PRDM11: variants seen among roughly 807,000 people sequenced by gnomAD.
PRDM11 encodes PR domain-containing protein 11.
In PRDM11, 20 loss-of-function variants were observed where a neutral mutation model predicts 97.8. The ratio of observed to expected loss-of-function variants is 0.20; its 90% CI spans 0.14 to 0.30. The LOEUF (loss-of-function observed/expected upper bound fraction) is 0.30. PRDM11 is among the 10% of genes least tolerant of loss of function. PRDM11 has a pLI of 1.00. For missense variants in PRDM11, 1,139 were observed against 1,555.2 expected (o/e 0.73, Z 4.50); for synonymous variants, 599 against 637.7 (o/e 0.94, Z 0.91).
Position 45,232,579 on chromosome 11 carries a change from G to C in PRDM11, c.*4420G>C, listed in dbSNP as rs941229968. The C allele has an allele frequency of 7.2e-5, 11 of 152,444 alleles. No homozygotes were observed. Among genetic ancestry groups the C allele is most frequent in the East Asian group, 3.9e-4 (2 of 5,166 alleles). 9.4% of individuals were successfully genotyped at this position (152,444 alleles called of 1,614,324 possible). On this transcript the variant is annotated 3_prime_UTR_variant, in exon 8 of 8. Coordinates refer to ENST00000683152, the MANE Select transcript of PRDM11 (RefSeq NM_001384648.1). ...GGCCAGTCCTCCTCAGACAAGAAAG[G>C]GGTTTTCAGAGGGCAGTGGTGTGCC...
chr11:45,110,125 C>T (rs1337956134), intron 1 of PRDM11, among the ~76,000 whole-genome samples: 1 of 152,224 alleles, frequency 6.6e-6, no homozygotes, highest in East Asian at 1.9e-4. Flanking sequence ...CGTGCAAACA[C>T]CCCTGGGAGG....
At chr11:45,113,819 TG>T (rs57043556) in intron 1 of PRDM11, among the ~76,000 whole-genome samples, 2,362 of 122,258 alleles carry the variant, frequency 0.019, 81 homozygotes, top group Admixed American at 0.046. Context: ...TGTGTGTGTG[TG>T]TGTGTTTTGT....
intron 3 of PRDM11, among the ~76,000 whole-genome samples, 197 bp downstream of exon 3, chr11:45,182,546 A>C (rs901293553): frequency 1.3e-5 from 2 of 152,170 alleles, no homozygotes; most frequent in Non-Finnish European, 1.5e-5. Context: ...TAGCACACTG[A>C]GTCTTGGTGA....
chr11:45,101,568 AAG>A lies in PRDM11; in HGVS notation c.96+5669_96+5670del, dbSNP rs1471441572. Among the ~76,000 whole-genome samples, 205 of 63,674 alleles carry A rather than the reference AAG, an allele frequency of 3.2e-3. 7 individuals are homozygous for A. The highest frequency in any genetic ancestry group is 0.013 in the African/African-American group (142 of 11,186). 41.8% of individuals were successfully genotyped at this position (63,674 alleles called of 152,430 possible). A position where few individuals can be genotyped will look rare whatever the true frequency, so the allele number is the denominator to read the frequency against. The stretch of plus-strand genomic sequence containing the variant: ...AACACTCTGTCTCAAAAAAAAAAAA[AAG>A]AAGAAGAAGAAGAAGAAGAAGAAGA... On this transcript the variant is annotated intron_variant, in intron 1 of 6. Transcript: ENST00000530656.
At chr11:45,144,347 G>A (rs180943438), upstream of PRDM11, among the ~76,000 whole-genome samples, 189 of 152,322 alleles carry the variant, frequency 1.2e-3, no homozygotes, top group Non-Finnish European at 2.0e-3. Context: ...AAGTCCCAGT[G>A]TGACGCCTGA....
intron 1 of PRDM11, among the ~76,000 whole-genome samples, chr11:45,110,161 C>T (rs1254953540): frequency 6.6e-6 from 1 of 152,224 alleles, no homozygotes; most frequent in African/African-American, 2.4e-5. Flanking sequence ...TTTGGCAATG[C>T]TAAGCTTCAC....
At chr11:45,168,804 C>G (rs1213125082) in intron 1 of PRDM11, among the ~76,000 whole-genome samples, 3 of 152,268 alleles carry the variant, frequency 2.0e-5, no homozygotes, top group Non-Finnish European at 4.4e-5. Context: ...GGAATCTACA[C>G]ATCCAGGCCT....
rs572911448 is a variant in PRDM11 at position 45,227,470 on chromosome 11, C to T, written c.2845C>T (p.Leu949Phe). 31 of 1,533,796 alleles carry T rather than the reference C, an allele frequency of 2.0e-5. No individual in the cohort carries two copies. Among genetic ancestry groups the T allele is most frequent in the Middle Eastern group, 2.3e-4 (1 of 4,358 alleles). The stretch of plus-strand genomic sequence containing the variant: ...CTTCAACGGGATCGCCATGAAGAAC[C>T]TCAGGGTGGCTGAAGCCAAGTTCCA... ...ESFNGIAMKNLRVAEAKFQSI... is the reference protein window; with the variant it reads ...ESFNGIAMKNFRVAEAKFQSI... Residue 949 changes from leucine (L) to phenylalanine (F), a missense_variant, in exon 8 of 8, where the codon CTC (leucine) becomes TTC (phenylalanine). Leu to Phe is a conservative substitution (Grantham distance 22). Transcript: ENST00000683152. The surrounding 1 kb of genome is among the most constrained non-coding windows in gnomAD (Gnocchi z 8.0).
At chr11:45,186,116 C>G (rs1286479431) in intron 4 of PRDM11, among the ~76,000 whole-genome samples, 4 of 152,174 alleles carry the variant, frequency 2.6e-5, no homozygotes, top group African/African-American at 9.7e-5. Flanking sequence ...CTTCTGACCT[C>G]TAGAACTATA....
intron 1 of PRDM11, among the ~76,000 whole-genome samples, chr11:45,110,800 C>T (rs1852161380): frequency 6.6e-6 from 1 of 152,158 alleles, no homozygotes; most frequent in Non-Finnish European, 1.5e-5. Flanking sequence ...CAGCAGATGG[C>T]AGTAAAGTAT....
chr11:45,128,443 A>G (rs1852635360), intron 1 of PRDM11, among the ~76,000 whole-genome samples: 1 of 151,870 alleles, frequency 6.6e-6, no homozygotes, highest in Non-Finnish European at 1.5e-5. Flanking sequence ...TGCGTCGCTC[A>G]CGCTGGAAGC....
intron 1 of PRDM11, among the ~76,000 whole-genome samples, chr11:45,123,115 G>C (rs1440674944): frequency 1.3e-5 from 2 of 152,002 alleles, no homozygotes; most frequent in Non-Finnish European, 2.9e-5. Flanking sequence ...ATTTTTTCAT[G>C]TGTTTTTTGG....
rs1238305195 is a variant in PRDM11, at chr11:45,233,467, C to A, written c.*5308C>A. On this transcript the variant is annotated 3_prime_UTR_variant, in exon 8 of 8. Coordinates refer to ENST00000683152, the MANE Select transcript of PRDM11 (RefSeq NM_001384648.1). The stretch of plus-strand genomic sequence containing the variant: ...CGGTCACTGCTGCTTGGCAGTAGGA[C>A]GTGGTCTCTGACTCCTGGTGGAGGG... 6.6e-6 allele frequency: 1 copy of A among 152,310 alleles called. No homozygotes were observed. The highest frequency in any genetic ancestry group is 1.5e-5 in the Non-Finnish European group (1 of 68,056). 9.4% of individuals were successfully genotyped at this position (152,310 alleles called of 1,614,324 possible). A position where few individuals can be genotyped will look rare whatever the true frequency, so the allele number is the denominator to read the frequency against.
chr11:45,182,304 C>T lies in PRDM11; in HGVS notation c.178C>T (p.Arg60Cys). The T allele has an allele frequency of 5.6e-6, 9 of 1,614,042 alleles. No individual in the cohort carries two copies. Among genetic ancestry groups the T allele is most frequent in the Non-Finnish European group, 7.6e-6 (9 of 1,180,016 alleles). The change falls in exon 3 of 8, where the codon CGC (arginine) becomes TGC (cysteine). Residue 60 changes from arginine (R) to cysteine (C), a missense_variant. By Grantham distance (180) the Arg-to-Cys change is radical (BLOSUM62 -3). Coordinates refer to ENST00000683152, the MANE Select transcript of PRDM11 (RefSeq NM_001384648.1). ...EVEPKKLKGK[R>C]DLIVPKSFQQ... is the part of the protein sequence containing the mutation. ...TGAGCCCAAGAAACTGAAGGGGAAG[C>T]GCGACCTCATCGTGCCCAAAAGCTT... is the stretch of plus-strand genomic sequence containing the variant.
intron 1 of PRDM11, among the ~76,000 whole-genome samples, chr11:45,100,570 C>T (rs549014594): frequency 6.6e-6 from 1 of 152,220 alleles, no homozygotes; most frequent in Admixed American, 6.5e-5. Context: ...TCTGCTGCTG[C>T]TGATTGGCTG....
At chr11:45,187,498 G>C (rs1852747103) in intron 4 of PRDM11, among the ~76,000 whole-genome samples, 1 of 152,194 alleles carries the variant, frequency 6.6e-6, no homozygotes, top group African/African-American at 2.4e-5. Context: ...TGAGAAGAAA[G>C]GAGGAATAGA....
intron 1 of PRDM11, among the ~76,000 whole-genome samples, chr11:45,116,883 C>G (rs1852314219): frequency 6.6e-6 from 1 of 152,176 alleles, no homozygotes; most frequent in South Asian, 2.1e-4. Flanking sequence ...GAAAAAAATA[C>G]TCACAAATTG....
At chr11:45,182,537 A>G (rs1449717370) in intron 3 of PRDM11, among the ~76,000 whole-genome samples, 188 bp downstream of exon 3, 1 of 152,202 alleles carries the variant, frequency 6.6e-6, no homozygotes, top group East Asian at 1.9e-4. Context: ...TTTTCCAGAT[A>G]GCACACTGAG....
At position 45,230,103 on chromosome 11, in the gene PRDM11, A is replaced by G. The variant is rs1329210971; in HGVS notation, c.*1944A>G. ...ACTTTAGAATCATTGCTGCTAGTCA[A>G]TAGCTTTTCATTATATAAATATATT... On this transcript the variant is annotated 3_prime_UTR_variant, in exon 8 of 8. Coordinates refer to ENST00000683152, the MANE Select transcript of PRDM11 (RefSeq NM_001384648.1). The G allele has an allele frequency of 1.3e-5, 2 of 150,722 alleles. No individual in the cohort carries two copies. The highest frequency in any genetic ancestry group is 2.1e-4 in the South Asian group (1 of 4,808). The allele number at this position is 150,722 out of a possible 1,614,324, so 9.3% of individuals were successfully genotyped here. A position where few individuals can be genotyped will look rare whatever the true frequency, so the allele number is the denominator to read the frequency against.
Sources: gnomAD v4.1 joint callset for allele counts (sites outside exome capture counted in the v4.1 genomes callset) on GRCh38, gnomAD v4.1.1 for gene constraint, Gnocchi (gnomAD v3.1) non-coding constraint, MANE v1.5 for transcripts, NCBI Gene and HGNC (gene_info 2026-07-23, HGNC 2026-07-21) for gene names.